The following KTN1 variants were observed in gnomAD, a reference collection of about 807,000 sequenced individuals.
KTN1 encodes the protein kinectin 1, also known as kinectin.
A neutral mutation model predicts 222.5 loss-of-function variants in KTN1; 130 were observed. The observed-to-expected ratio is 0.58, with a 90% CI of 0.51 to 0.68. The LOEUF is 0.68. Ranked by LOEUF, KTN1 falls within the 30% of genes least tolerant of loss-of-function variation. The pLI is 0.00. For synonymous variants in KTN1, 512 were observed against 496.3 expected, an observed-to-expected ratio of 1.03 and a Z score of -0.42; for missense variants, 1,508 against 1,500.4, an observed-to-expected ratio of 1.01 and a Z score of -0.08.
At chr14:55,617,937 T>G (rs1410756740) in intron 3 of KTN1, 27 bp from the exon 4 acceptor site, 2 of 1,509,496 alleles carry the variant, frequency 1.3e-6, no homozygotes, top group Non-Finnish European at 1.8e-6. Context: ...AAATTCTAAT[T>G]ATGATTTTGT....
intron 34 of KTN1, among the ~76,000 whole-genome samples, chr14:55,669,114 A>T (rs1218770118): frequency 6.6e-6 from 1 of 151,802 alleles, no homozygotes; most frequent in Non-Finnish European, 1.5e-5. Flanking sequence ...CTTTATATTT[A>T]TGGAAATAAT....
chr14:55,639,927 A>G lies in KTN1; in HGVS notation c.1838A>G (p.Asp613Gly). 6.2e-7 allele frequency: 1 copy of G among 1,600,848 alleles called. No homozygotes were observed. Among genetic ancestry groups the G allele is most frequent in the Non-Finnish European group, 8.6e-7 (1 of 1,168,954 alleles). ...EELHKVIAEK[D>G]KQIKQTEDSL... ...TCCTTCTAAAGGATTGCAGAAAAGGATAAGCAGATAAAACAGACTGAAGAT... is the reference window on the plus strand; with the variant it reads ...TCCTTCTAAAGGATTGCAGAAAAGGGTAAGCAGATAAAACAGACTGAAGAT... The change falls in exon 14 of 44, where the codon GAT becomes GGT. Residue 613 changes from aspartate to glycine, a missense_variant. Transcript: ENST00000395314.
intron 1 of KTN1, among the ~76,000 whole-genome samples, chr14:55,594,498 G>GTT (rs748582537): frequency 2.9e-4 from 33 of 113,854 alleles, no homozygotes; most frequent in East Asian, 1.9e-3. Context: ...GCAGAGTAGA[G>GTT]TTTTTTTTTT....
chr14:55,672,856 A>C (rs1285445364), intron 38 of KTN1, 73 bp from the exon 39 acceptor site: 1 of 1,257,642 alleles, frequency 8.0e-7, no homozygotes, highest in East Asian at 2.4e-5. Flanking sequence ...TAAGTGTCAT[A>C]ATTTTGTCTT....
chr14:55,662,088 T>A (rs901899634), intron 32 of KTN1, among the ~76,000 whole-genome samples: 37 of 135,820 alleles, frequency 2.7e-4, no homozygotes, highest in Non-Finnish European at 1.3e-4. Flanking sequence ...TTTTTTTTTT[T>A]AAGACAGGGT....
chr14:55,599,516 G>T (rs1385603735), intron 1 of KTN1, among the ~76,000 whole-genome samples: 1 of 151,858 alleles, frequency 6.6e-6, no homozygotes, highest in African/African-American at 2.4e-5. Context: ...CCAGGGCGGA[G>T]TGCAGTGGCG....
chr14:55,651,701 A>G lies in KTN1; in HGVS notation c.2566-189A>G, dbSNP rs2042945467. 5 of 535,576 alleles carry G rather than the reference A, an allele frequency of 9.3e-6. No homozygotes were observed. The South Asian group carries it at 1.4e-4, about 15-fold the overall frequency. The allele number at this position is 535,576 out of a possible 1,614,324, so 33.2% of individuals were successfully genotyped here. A position where few individuals can be genotyped will look rare whatever the true frequency, so the allele number is the denominator to read the frequency against. ...ATTTTCCTTGTCCCTCCCCCTTATT[A>G]TTTTTAGTTTATTAATTTTCCTGTT... On this transcript the variant is annotated intron_variant, in intron 24 of 43. Transcript: ENST00000395314.
Position 55,630,013 on chromosome 14 carries a change from A to T in KTN1, c.1137A>T (p.Arg379=). The T allele has an allele frequency of 6.2e-7, 1 of 1,601,392 alleles. No individual in the cohort carries two copies. The highest frequency in any genetic ancestry group is 8.6e-7 in the Non-Finnish European group (1 of 1,168,454). The change falls in exon 7 of 44, where the codon CGA becomes CGT. Residue 379 remains arginine (R), a synonymous_variant. Coordinates refer to ENST00000395314, the MANE Select transcript of KTN1 (RefSeq NM_001079521.2). ...TGGTTATAACAAGGATGAAAGATCG[A>T]ATTGGAACATTAGAAAAGGAACATA... ...SNVVITRMKD[R]IGTLEKEHNV... is the part of the protein sequence containing the mutation.
intron 1 of KTN1, among the ~76,000 whole-genome samples, chr14:55,604,701 A>G (rs897316237): frequency 1.1e-4 from 16 of 152,172 alleles, no homozygotes; most frequent in African/African-American, 3.9e-4. Flanking sequence ...CAGTCCTGAC[A>G]TATGGTCAGT....
intron 12 of KTN1, 24 bp from the exon 13 acceptor site, chr14:55,639,161 G>T: frequency 6.5e-7 from 1 of 1,537,008 alleles, no homozygotes; most frequent in Non-Finnish European, 9.0e-7. Context: ...ATACTTTTAT[G>T]TTGACACTAT....
At position 55,673,020 on chromosome 14, in the gene KTN1, C is replaced by G. The variant is rs952688906; in HGVS notation, c.3687+8C>G. The G allele has an allele frequency of 2.5e-6, 4 of 1,599,266 alleles. 1 individual carries two copies. The highest frequency in any genetic ancestry group is 2.2e-5 in the South Asian group (2 of 90,702). On this transcript the variant is annotated splice_region_variant and intron_variant, in intron 39 of 43. Coordinates refer to ENST00000395314, the MANE Select transcript of KTN1 (RefSeq NM_001079521.2). Reference sequence around the variant, plus strand: ...GTTACAGAAGTCAGAGAGGTACTTACAACAGAATCTTTTCAAACTTGCTTC... The same window carrying G: ...GTTACAGAAGTCAGAGAGGTACTTAGAACAGAATCTTTTCAAACTTGCTTC...
chr14:55,619,717 C>T (rs1055126435), intron 5 of KTN1, among the ~76,000 whole-genome samples: 2 of 151,970 alleles, frequency 1.3e-5, no homozygotes, highest in Admixed American at 6.6e-5. Flanking sequence ...GGAAATTGCC[C>T]CCATGATTCA....
At chr14:55,584,886 A>G (rs2032621780) in intron 1 of KTN1, among the ~76,000 whole-genome samples, 1 of 152,180 alleles carries the variant, frequency 6.6e-6, no homozygotes, top group Non-Finnish European at 1.5e-5. Flanking sequence ...TAATGCCAGC[A>G]CTTTGGGAGG....
intron 21 of KTN1, 148 bp downstream of exon 21, chr14:55,649,018 T>C: frequency 1.6e-6 from 1 of 615,330 alleles, no homozygotes; most frequent in Non-Finnish European, 2.9e-6. Context: ...CTCGAACTCC[T>C]GGGCTCAACC....
intron 5 of KTN1, among the ~76,000 whole-genome samples, chr14:55,627,504 G>A (rs993610764): frequency 6.6e-6 from 1 of 151,308 alleles, no homozygotes; most frequent in Non-Finnish European, 1.5e-5. Flanking sequence ...TGTGCAGAAC[G>A]TGCAGGTTTG....
chr14:55,627,815 T>C (rs1273598425), intron 5 of KTN1, 97 bp from the exon 6 acceptor site: 3 of 717,474 alleles, frequency 4.2e-6, no homozygotes, highest in Non-Finnish European at 7.5e-6. Context: ...TATGGCTGCA[T>C]AGTATTCCAT....
chr14:55,653,708 G>A, intron 28 of KTN1, 112 bp downstream of exon 28: 2 of 742,652 alleles, frequency 2.7e-6, no homozygotes, highest in Non-Finnish European at 4.5e-6. Flanking sequence ...TTATTGTTAA[G>A]TGGAAATTAT....
rs541217320 is a variant in KTN1, at chr14:55,598,411, G to A, written c.-30-13608G>A. ...GAACCCGCCACTGCACTCCAGCCTCGGCGACAGAGCGAGACTCCATCTCAA... is the reference window on the plus strand; with the variant it reads ...GAACCCGCCACTGCACTCCAGCCTCAGCGACAGAGCGAGACTCCATCTCAA... On this transcript the variant is annotated intron_variant, in intron 1 of 43. Transcript: ENST00000395314. Among the ~76,000 whole-genome samples the A allele has an allele frequency of 2.5e-4, 38 of 149,722 alleles. No individual in the cohort carries two copies. The East Asian group carries it at 6.6e-3, about 26-fold the overall frequency.
chr14:55,650,256 T>A, intron 22 of KTN1, 72 bp from the exon 23 acceptor site: 2 of 908,152 alleles, frequency 2.2e-6, no homozygotes, highest in Non-Finnish European at 3.4e-6. Context: ...ATTTCATTAT[T>A]TGGTGCTATT....
Sources: allele counts gnomAD v4.1 joint callset (sites outside exome capture counted in the v4.1 genomes callset), GRCh38; gene constraint gnomAD v4.1.1; transcripts MANE v1.5; gene names NCBI Gene and HGNC (gene_info 2026-07-23, HGNC 2026-07-21).